The following SH3RF3 variants were observed in gnomAD, a reference collection of about 807,000 sequenced individuals.
SH3RF3 encodes E3 ubiquitin-protein ligase SH3RF3.
In SH3RF3, 29 loss-of-function variants were observed where a neutral mutation model predicts 66.3. That is an observed-to-expected ratio of 0.44 (90% CI 0.33 to 0.60). The LOEUF (loss-of-function observed/expected upper bound fraction) is 0.60, where lower values mean the gene tolerates loss of function less well. Ranked by LOEUF, SH3RF3 falls within the 20% of genes least tolerant of loss-of-function variation. SH3RF3 has a pLI of 0.04. For missense variants in SH3RF3, 1,194 were observed against 1,190.9 expected (o/e 1.00, Z -0.04); for synonymous variants, 583 against 532.0 (o/e 1.10, Z -1.32).
chr2:109,367,784 C>T (rs1683178865), intron 2 of SH3RF3, among the ~76,000 whole-genome samples: 1 of 152,170 alleles, frequency 6.6e-6, no homozygotes, highest in African/African-American at 2.4e-5. Context: ...AATCTTTCTG[C>T]ACACTTGATT....
intron 9 of SH3RF3, among the ~76,000 whole-genome samples, chr2:109,493,832 A>T (rs1273296891): frequency 6.6e-6 from 1 of 152,148 alleles, no homozygotes; most frequent in Non-Finnish European, 1.5e-5. Context: ...CAAATTGTAC[A>T]TCAAGCAACC....
intron 2 of SH3RF3, among the ~76,000 whole-genome samples, chr2:109,362,248 T>A (rs958844743): frequency 1.3e-5 from 2 of 152,242 alleles, no homozygotes; most frequent in African/African-American, 4.8e-5. Context: ...CTCACAAATG[T>A]TGGTAAATTA....
At chr2:109,238,255 T>C (rs1389521773) in intron 1 of SH3RF3, among the ~76,000 whole-genome samples, 1 of 151,896 alleles carries the variant, frequency 6.6e-6, no homozygotes, top group Non-Finnish European at 1.5e-5. Flanking sequence ...AATAGAAAAG[T>C]GTTGGCTCTA....
rs534658814 is a variant in SH3RF3, at chr2:109,179,819, A to G, written c.573+49706A>G. Among the ~76,000 whole-genome samples the G allele has an allele frequency of 5.4e-4, 83 of 152,344 alleles. 1 individual carries two copies. Among genetic ancestry groups the G allele is most frequent in the African/African-American group, 1.8e-3 (74 of 41,578 alleles). ...TCAACACATAAGATCTGGGGGACAC[A>G]TTCAAACCATAGCCCTCTTGGCTAA... is the stretch of plus-strand genomic sequence containing the variant. On this transcript the variant is annotated intron_variant, in intron 1 of 9. Transcript: ENST00000309415.
intron 8 of SH3RF3, among the ~76,000 whole-genome samples, chr2:109,450,640 T>C (rs752555723): frequency 7.9e-5 from 12 of 152,232 alleles, no homozygotes; most frequent in Non-Finnish European, 1.3e-4. Context: ...TGTTTTAAAA[T>C]TGTTGATGAG....
intron 2 of SH3RF3, among the ~76,000 whole-genome samples, chr2:109,369,973 C>A (rs376620730): frequency 6.6e-6 from 1 of 152,216 alleles, no homozygotes; most frequent in African/African-American, 2.4e-5. Flanking sequence ...CTCCATGAGG[C>A]CATCTCTTGG....
At chr2:109,315,495 C>T (rs1213535952) in intron 1 of SH3RF3, among the ~76,000 whole-genome samples, 2 of 152,222 alleles carry the variant, frequency 1.3e-5, no homozygotes, top group African/African-American at 4.8e-5. Context: ...AAGGAACTGT[C>T]TCAGTATGAA....
chr2:109,490,017 C>T (rs1241982609), intron 8 of SH3RF3, among the ~76,000 whole-genome samples: 3 of 152,188 alleles, frequency 2.0e-5, no homozygotes. Flanking sequence ...AGATTACAGG[C>T]ATGAGCCACC....
intron 1 of SH3RF3, among the ~76,000 whole-genome samples, chr2:109,219,596 G>A (rs1378421761): frequency 3.9e-5 from 6 of 152,010 alleles, no homozygotes; most frequent in African/African-American, 1.2e-4. Context: ...AAATGAATTC[G>A]GCAAAGTTGC....
At chr2:109,418,283 C>T (rs1676778151) in intron 4 of SH3RF3, among the ~76,000 whole-genome samples, 1 of 152,172 alleles carries the variant, frequency 6.6e-6, no homozygotes, top group South Asian at 2.1e-4. Flanking sequence ...CCTCCAGGCT[C>T]CCTGACAGCC....
At chr2:109,388,408 C>A (rs551034680) in intron 3 of SH3RF3, among the ~76,000 whole-genome samples, 40 of 152,300 alleles carry the variant, frequency 2.6e-4, no homozygotes, top group African/African-American at 9.6e-4. Flanking sequence ...AGCTCACAAC[C>A]AGCAGCAGGT....
rs1311968498 is a variant in SH3RF3 at position 109,451,272 on chromosome 2, C to T, written c.2148+1783C>T. 2.4e-4 allele frequency among the ~76,000 whole-genome samples: 37 copies of T among 152,206 alleles called. 1 individual carries two copies. The highest frequency in any genetic ancestry group is 2.3e-3 in the Admixed American group (35 of 15,282). On this transcript the variant is annotated intron_variant, in intron 8 of 9. Transcript: ENST00000309415. Reference sequence around the variant, plus strand: ...ATCAGTTCAGTCTTGAATCTGTTCCCTTCTACCCTGCAGCCCTTGTTATGA... The same window carrying T: ...ATCAGTTCAGTCTTGAATCTGTTCCTTTCTACCCTGCAGCCCTTGTTATGA...
intron 8 of SH3RF3, among the ~76,000 whole-genome samples, chr2:109,481,504 C>A (rs1678833088): frequency 6.6e-6 from 1 of 152,108 alleles, no homozygotes; most frequent in Admixed American, 6.5e-5. Flanking sequence ...ACCTCCTCGG[C>A]CTGTTATTGC....
intron 1 of SH3RF3, among the ~76,000 whole-genome samples, chr2:109,346,369 T>G (rs187573862): frequency 6.6e-6 from 1 of 152,348 alleles, no homozygotes; most frequent in East Asian, 1.9e-4. Flanking sequence ...AAAGAGTTTT[T>G]CGATGTACTA....
At chr2:109,334,565 G>A (rs919945104) in intron 1 of SH3RF3, among the ~76,000 whole-genome samples, 23 of 152,050 alleles carry the variant, frequency 1.5e-4, no homozygotes, top group Non-Finnish European at 2.6e-4. Flanking sequence ...CACCCGCTCC[G>A]GGGATGCCAG....
At chr2:109,474,224 G>A (rs1454458496) in intron 8 of SH3RF3, among the ~76,000 whole-genome samples, 1 of 152,198 alleles carries the variant, frequency 6.6e-6, no homozygotes, top group Non-Finnish European at 1.5e-5. Context: ...TCTCTAGGGA[G>A]GTGGGTGTGG....
chr2:109,399,029 A>G, intron 4 of SH3RF3, 86 bp downstream of exon 4: 1 of 1,382,440 alleles, frequency 7.2e-7, no homozygotes, highest in Non-Finnish European at 9.8e-7. Context: ...CCGTTCCTCA[A>G]CTAGCATGGA....
chr2:109,215,758 T>C (rs1679090678), intron 1 of SH3RF3, among the ~76,000 whole-genome samples: 1 of 152,150 alleles, frequency 6.6e-6, no homozygotes, highest in African/African-American at 2.4e-5. Context: ...GGGACATCGC[T>C]GCACAGTTGT....
intron 5 of SH3RF3, among the ~76,000 whole-genome samples, chr2:109,424,705 G>A (rs572292712): frequency 6.6e-6 from 1 of 152,296 alleles, no homozygotes; most frequent in East Asian, 1.9e-4. Context: ...ATAAGACAGC[G>A]AACTTACTCG....
Sources: gnomAD v4.1 joint callset for allele counts (sites outside exome capture counted in the v4.1 genomes callset) on GRCh38, gnomAD v4.1.1 for gene constraint, MANE v1.5 for transcripts, NCBI Gene and HGNC (gene_info 2026-07-23, HGNC 2026-07-21) for gene names.